PVT1: variants seen among roughly 807,000 people sequenced by gnomAD.
PVT1 encodes the protein Pvt1 oncogene, also known as CXCR4/PVT1 fusion.
At chr8:128,061,462 G>T (rs1386124796) in intron 4 of PVT1, among the ~76,000 whole-genome samples, 3 of 152,140 alleles carry the variant, frequency 2.0e-5, no homozygotes, top group Non-Finnish European at 4.4e-5. Flanking sequence ...TGCTCTGAAG[G>T]TTCGTACAAG....
At chr8:127,874,903 GGTGT>G (rs112419227) in intron 2 of PVT1, among the ~76,000 whole-genome samples, 30,013 of 145,672 alleles carry the variant, frequency 0.21, 3,862 homozygotes, top group African/African-American at 0.37. Flanking sequence ...TTGGCCTCCA[GGTGT>G]GTGTGTGTGT....
At chr8:127,811,380 T>G (rs1283500635) in intron 2 of PVT1, among the ~76,000 whole-genome samples, 3 of 152,228 alleles carry the variant, frequency 2.0e-5, no homozygotes, top group Non-Finnish European at 4.4e-5. Context: ...TTGCAGCTCC[T>G]TGGTTATAGG....
At chr8:127,965,961 T>C (rs1816699146) in intron 3 of PVT1, among the ~76,000 whole-genome samples, 1 of 152,206 alleles carries the variant, frequency 6.6e-6, no homozygotes, top group Admixed American at 6.5e-5. Context: ...GAATCAGGGA[T>C]GGAAAACCAG....
chr8:127,935,337 G>A (rs1219641458), intron 3 of PVT1, among the ~76,000 whole-genome samples: 1 of 151,684 alleles, frequency 6.6e-6, no homozygotes, highest in Non-Finnish European at 1.5e-5. Flanking sequence ...TATGCTGGCT[G>A]GCTCTACACA....
At position 127,911,210 on chromosome 8, in the gene PVT1, C is replaced by A. The variant is rs533711228; in HGVS notation, n.782+20212C>A. On this transcript the variant is annotated intron_variant and non_coding_transcript_variant, in intron 3 of 10. Coordinates refer to ENST00000651587, the Ensembl canonical transcript of PVT1. ...CTCCTCTGCCACTTGCAGCCTATGT[C>A]GGGCTCCTCTTATAGAGCCACCCCC... 1.2e-4 allele frequency among the ~76,000 whole-genome samples: 19 copies of A among 152,294 alleles called. No individual in the cohort carries two copies. In the East Asian group the frequency reaches 3.7e-3, roughly 29 times the overall value.
chr8:128,021,515 G>C (rs538215401), intron 4 of PVT1, among the ~76,000 whole-genome samples: 2,261 of 152,022 alleles, frequency 0.015, 56 homozygotes, highest in African/African-American at 0.051. Context: ...GGATGGTCTT[G>C]ATCTCCTGAC....
intron 5 of PVT1, among the ~76,000 whole-genome samples, chr8:128,085,277 G>A (rs2542405): frequency 0.2 from 30,357 of 151,998 alleles, 3,774 homozygotes; most frequent in African/African-American, 0.34. Context: ...AAAAGTCCGC[G>A]GCCCGGCTGA....
intron 4 of PVT1, among the ~76,000 whole-genome samples, chr8:128,045,091 C>T (rs1813595336): frequency 6.6e-6 from 1 of 152,206 alleles, no homozygotes; most frequent in South Asian, 2.1e-4. Flanking sequence ...GACAACGGTA[C>T]AGTTGTTCCA....
chr8:127,911,202 G>A (rs1281666458), intron 3 of PVT1, among the ~76,000 whole-genome samples: 1 of 152,180 alleles, frequency 6.6e-6, no homozygotes, highest in Non-Finnish European at 1.5e-5. Flanking sequence ...GCCACTTGCA[G>A]CCTATGTCGG....
chr8:127,814,875 A>G (rs1186402897), intron 2 of PVT1, among the ~76,000 whole-genome samples: 1 of 152,130 alleles, frequency 6.6e-6, no homozygotes, highest in African/African-American at 2.4e-5. Context: ...CACAGTTTCT[A>G]TGAATCTAAC....
chr8:127,992,917 C>T (rs1217840294), intron 4 of PVT1, among the ~76,000 whole-genome samples: 1 of 152,232 alleles, frequency 6.6e-6, no homozygotes, highest in Non-Finnish European at 1.5e-5. Flanking sequence ...GGATACAAGC[C>T]AGCACCGGTC....
intron 2 of PVT1, among the ~76,000 whole-genome samples, chr8:127,848,969 G>T (rs1475222924): frequency 6.6e-6 from 1 of 152,204 alleles, no homozygotes; most frequent in Non-Finnish European, 1.5e-5. Flanking sequence ...GGTGGGGTTG[G>T]AGACACAGCT....
At chr8:128,011,754 G>A (rs938383145) in intron 4 of PVT1, among the ~76,000 whole-genome samples, 1 of 152,146 alleles carries the variant, frequency 6.6e-6, no homozygotes, top group African/African-American at 2.4e-5. Context: ...TTAGTGAAAG[G>A]CTGAGAAGAG....
In PVT1 at chr8:128,063,762, G is replaced by A. The variant is rs868485632; in HGVS notation, n.913-6398G>A. The stretch of plus-strand genomic sequence containing the variant: ...AAGGATATACAATTTCAGTTAGGTA[G>A]GAGGAATAAGTTCAAGAAGTCGATT... On this transcript the variant is annotated intron_variant and non_coding_transcript_variant, in intron 4 of 10. Coordinates refer to ENST00000651587, the Ensembl canonical transcript of PVT1. Among the ~76,000 whole-genome samples, 4 of 152,250 alleles carry A rather than the reference G, an allele frequency of 2.6e-5. No homozygotes were observed. The Middle Eastern group carries it at 0.014, about 518-fold the overall frequency.
At chr8:128,024,188 G>A (rs1393267218) in intron 4 of PVT1, among the ~76,000 whole-genome samples, 1 of 152,204 alleles carries the variant, frequency 6.6e-6, no homozygotes. Flanking sequence ...ACCTGTGAAT[G>A]GAAGTGGCCT....
chr8:128,051,186 A>G (rs1813690679), intron 4 of PVT1, among the ~76,000 whole-genome samples: 1 of 152,242 alleles, frequency 6.6e-6, no homozygotes, highest in Non-Finnish European at 1.5e-5. Context: ...GTAAGGATGC[A>G]TAAAATGAAG....
At chr8:127,823,130 C>T (rs1474069621) in intron 2 of PVT1, among the ~76,000 whole-genome samples, 1 of 152,194 alleles carries the variant, frequency 6.6e-6, no homozygotes, top group Non-Finnish European at 1.5e-5. Flanking sequence ...ATGCTATGAT[C>T]TCACACCTGT....
chr8:127,881,460 TATTATTTC>T (rs1563629324), intron 2 of PVT1, among the ~76,000 whole-genome samples: 50 of 147,676 alleles, frequency 3.4e-4, no homozygotes, highest in African/African-American at 1.0e-3. Context: ...TTATTATTAT[TATTATTTC>T]AGATGGAGTT....
chr8:127,832,652 A>G (rs1453311932), intron 2 of PVT1, among the ~76,000 whole-genome samples: 2 of 152,124 alleles, frequency 1.3e-5, no homozygotes, highest in Non-Finnish European at 1.5e-5. Context: ...AGGTCAGGAG[A>G]TAGAGACCAT....
Sources: allele counts gnomAD v4.1 joint callset (sites outside exome capture counted in the v4.1 genomes callset), GRCh38; gene constraint gnomAD v4.1.1; transcripts MANE v1.5; gene names NCBI Gene and HGNC (gene_info 2026-07-23, HGNC 2026-07-21).